The following SACS variants were observed in gnomAD, a reference collection of about 807,000 sequenced individuals.
SACS encodes the protein sacsin.
Under a neutral mutation model 348.0 loss-of-function variants are expected in SACS, and 197 were observed. The ratio of observed to expected loss-of-function variants is 0.57; its 90% CI spans 0.50 to 0.64. The LOEUF (loss-of-function observed/expected upper bound fraction) is 0.64. Ranked by LOEUF, SACS falls within the 30% of genes least tolerant of loss-of-function variation. SACS has a pLI of 0.00. For missense variants in SACS, 4,999 were observed against 5,360.8 expected (o/e 0.93, Z 2.11); for synonymous variants, 1,985 against 1,910.6 (o/e 1.04, Z -1.02).
intron 4 of SACS, among the ~76,000 whole-genome samples, chr13:23,370,590 T>C (rs1871326952): frequency 1.3e-5 from 2 of 152,218 alleles, no homozygotes; most frequent in South Asian, 4.1e-4. Context: ...GCAAACTTTG[T>C]ACCTTTGGCC....
Position 23,360,739 on chromosome 13 carries a change from C to G in SACS, c.458-2258G>C, listed in dbSNP as rs1287767929. Among the ~76,000 whole-genome samples the G allele has an allele frequency of 3.4e-5, 5 of 146,378 alleles. No individual in the cohort carries two copies. In the Admixed American group the frequency reaches 3.6e-4, roughly 11 times the overall value. Reference sequence around the variant, plus strand: ...TGAAAATAAAATTCCCCTCAGATCCCCACTCTCCAAGGTACTTTTTTTTTT... The same window carrying G: ...TGAAAATAAAATTCCCCTCAGATCCGCACTCTCCAAGGTACTTTTTTTTTT... On this transcript the variant is annotated intron_variant, in intron 6 of 9. Transcript: ENST00000382292.
rs1160590679 is a variant in SACS, at chr13:23,339,690, G to T, written c.4186C>A (p.His1396Asn). 6.2e-7 allele frequency: 1 copy of T among 1,614,064 alleles called. No homozygotes were observed. Among genetic ancestry groups the T allele is most frequent in the African/African-American group, 1.3e-5 (1 of 75,042 alleles). The change falls in exon 10 of 10, where the codon CAC (histidine) becomes AAC (asparagine). Residue 1396 changes from histidine (H) to asparagine (N), a missense_variant. His to Asn is a moderately conservative substitution (Grantham distance 68). Coordinates refer to ENST00000382292, the MANE Select transcript of SACS (RefSeq NM_014363.6). ...NPSKLIMKPI[H>N]ECCYCDIKVD... ...TTAATGTCACAATAACAGCATTCGT[G>T]AATTGGCTTCATGATAAGTTTAGAA...
chr13:23,394,581 C>A (rs942204379), intron 2 of SACS, among the ~76,000 whole-genome samples: 2 of 152,216 alleles, frequency 1.3e-5, no homozygotes, highest in East Asian at 3.9e-4. Flanking sequence ...GGGCTGGGCG[C>A]AGTGGCTCAT....
chr13:23,422,346 T>C (rs1005643412), intron 1 of SACS, among the ~76,000 whole-genome samples: 1 of 152,204 alleles, frequency 6.6e-6, no homozygotes, highest in Admixed American at 6.5e-5. Flanking sequence ...ATTAAAGAAG[T>C]TCCAAACACA....
intron 2 of SACS, among the ~76,000 whole-genome samples, chr13:23,386,792 T>G (rs1259718365): frequency 6.6e-6 from 1 of 152,110 alleles, no homozygotes; most frequent in Non-Finnish European, 1.5e-5. Flanking sequence ...CTTGAAGAGT[T>G]AGAGGCCATT....
intron 6 of SACS, among the ~76,000 whole-genome samples, chr13:23,364,770 T>C (rs1870960889): frequency 6.6e-6 from 1 of 152,160 alleles, no homozygotes; most frequent in African/African-American, 2.4e-5. Context: ...CCACCCAACT[T>C]CCAAACAATG....
intron 1 of SACS, among the ~76,000 whole-genome samples, chr13:23,417,558 C>T (rs1029635667): frequency 6.6e-6 from 1 of 152,156 alleles, no homozygotes; most frequent in African/African-American, 2.4e-5. Flanking sequence ...GTTACTGGGG[C>T]AAGTGGTTAA....
rs536865337 is a variant in SACS, at chr13:23,407,356, G to A, written c.20+3864C>T. Reference sequence around the variant, plus strand: ...TGGGACTACAGGCGCCTGCCACCACGCCCGGCTAATCTTTTTCTATTTTTA... The same window carrying A: ...TGGGACTACAGGCGCCTGCCACCACACCCGGCTAATCTTTTTCTATTTTTA... On this transcript the variant is annotated intron_variant, in intron 2 of 9. Coordinates refer to ENST00000382292, the MANE Select transcript of SACS (RefSeq NM_014363.6). 2.8e-3 allele frequency among the ~76,000 whole-genome samples: 422 copies of A among 152,176 alleles called. 1 individual carries two copies. Among genetic ancestry groups the A allele is most frequent in the Non-Finnish European group, 4.3e-3 (291 of 67,976 alleles).
intron 2 of SACS, among the ~76,000 whole-genome samples, chr13:23,382,144 T>A (rs2137869179): frequency 6.6e-6 from 1 of 152,316 alleles, no homozygotes; most frequent in South Asian, 2.1e-4. Flanking sequence ...AGCGGAGGTT[T>A]TTTTGCTTTT....
chr13:23,349,323 T>C (rs1869810159), intron 9 of SACS, among the ~76,000 whole-genome samples: 1 of 152,176 alleles, frequency 6.6e-6, no homozygotes, highest in Non-Finnish European at 1.5e-5. Flanking sequence ...TTGAGCAATC[T>C]TGTGGACAGT....
At chr13:23,389,673 T>C (rs1872450668) in intron 2 of SACS, among the ~76,000 whole-genome samples, 1 of 152,266 alleles carries the variant, frequency 6.6e-6, no homozygotes. Flanking sequence ...GTACAAGGGA[T>C]ACGTAGTACA....
At chr13:23,408,431 T>C (rs903052070) in intron 2 of SACS, among the ~76,000 whole-genome samples, 3 of 152,248 alleles carry the variant, frequency 2.0e-5, no homozygotes, top group Non-Finnish European at 2.9e-5. Context: ...TTGCAACGTT[T>C]AGCTTGAAAC....
Position 23,395,146 on chromosome 13 carries a change from G to A in SACS, c.20+16074C>T, listed in dbSNP as rs12854927. Among the ~76,000 whole-genome samples the A allele has an allele frequency of 4.0e-4, 52 of 129,920 alleles. 1 individual carries two copies. In the East Asian group the frequency reaches 0.012, roughly 29 times the overall value. The allele number at this position is 129,920 out of a possible 152,430, so 85.2% of individuals were successfully genotyped here. ...CTGGGCTTCCCTGTTTATTAAATAT[G>A]GAGGCTGGGTCAGAGTCCTGGGCTT... On this transcript the variant is annotated intron_variant, in intron 2 of 9. Coordinates refer to ENST00000382292, the MANE Select transcript of SACS (RefSeq NM_014363.6).
rs2137841018 is a variant in SACS at position 23,375,214 on chromosome 13, G to A, written c.76C>T (p.Leu26=). 2.0e-6 allele frequency: 3 copies of A among 1,500,162 alleles called. No individual in the cohort carries two copies. Among genetic ancestry groups the A allele is most frequent in the Non-Finnish European group, 1.8e-6 (2 of 1,124,028 alleles). The allele number at this position is 1,500,162 out of a possible 1,614,324, so 92.9% of individuals were successfully genotyped here. A position where few individuals can be genotyped will look rare whatever the true frequency, so the allele number is the denominator to read the frequency against. Residue 26 remains leucine (L), a synonymous_variant, in exon 3 of 10, where the codon CTG becomes TTG. Coordinates refer to ENST00000382292, the MANE Select transcript of SACS (RefSeq NM_014363.6). ...ACATCGCGCACGGTCCAGGACGCCA[G>A]CGCCGCGACGGTCCTGCAGCCCACG... is the stretch of plus-strand genomic sequence containing the variant. ...GCVGCRTVAA[L]ASWTVRDVKE... is the part of the protein sequence containing the mutation.
At position 23,341,561 on chromosome 13, in the gene SACS, T is replaced by G. The variant is rs1271031016; in HGVS notation, c.2315A>C (p.Asn772Thr). Residue 772 changes from asparagine (N) to threonine (T), a missense_variant, in exon 10 of 10, where the codon AAT becomes ACT. Physicochemically the swap from Asn to Thr is moderately conservative, Grantham distance 65 (BLOSUM62 0). Coordinates refer to ENST00000382292, the MANE Select transcript of SACS (RefSeq NM_014363.6). ...VQWYPFDENRNHPSVSWLKMV... is the reference protein window; with the variant it reads ...VQWYPFDENRTHPSVSWLKMV... ...CTTAAGCCATGAAACAGATGGGTGA[T>G]TTCTGTTTTCATCAAATGGATACCA... The G allele has an allele frequency of 1.9e-6, 3 of 1,614,082 alleles. No homozygotes were observed. In the Admixed American group the frequency reaches 5.0e-5, roughly 27 times the overall value.
chr13:23,375,655 G>GCCAGGCCCCGCCCCCAGGGAACGCCCAT (rs1391157246), intron 2 of SACS: 1 of 628,654 alleles, frequency 1.6e-6, no homozygotes, highest in Non-Finnish European at 1.8e-6. Flanking sequence ...CGCCCCTCCC[G>GCCAGGCCCCGCCCCCAGGGAACGCCCAT]CCAGGCCCCG....
intron 2 of SACS, among the ~76,000 whole-genome samples, chr13:23,397,506 G>C (rs568322807): frequency 2.0e-5 from 3 of 152,048 alleles, no homozygotes; most frequent in African/African-American, 7.2e-5. Flanking sequence ...TTGGATTATT[G>C]ATCTGCTCTT....
intron 2 of SACS, among the ~76,000 whole-genome samples, chr13:23,379,601 C>T (rs780766507): frequency 1.3e-5 from 2 of 152,190 alleles, no homozygotes; most frequent in Non-Finnish European, 2.9e-5. Context: ...TTTTCTCCAC[C>T]CTGTCCCCAA....
At position 23,333,821 on chromosome 13, in the gene SACS, G is replaced by A. The variant is rs1256372200; in HGVS notation, c.10055C>T (p.Thr3352Ile). The A allele has an allele frequency of 2.5e-6, 4 of 1,613,736 alleles. No individual in the cohort carries two copies. Among genetic ancestry groups the A allele is most frequent in the East Asian group, 4.5e-5 (2 of 44,888 alleles). The change falls in exon 10 of 10, where the codon ACA (threonine) becomes ATA (isoleucine). Residue 3352 changes from threonine (T) to isoleucine (I), a missense_variant. Transcript: ENST00000382292. ...SAFVPLLSCH[T>I]ANIESPTSIL... ...GCTTGTGGGGCTCTCTATATTTGCT[G>A]TGTGACATGACAACAAAGGAACAAA...
Sources: gnomAD v4.1 joint callset for allele counts (sites outside exome capture counted in the v4.1 genomes callset) on GRCh38, gnomAD v4.1.1 for gene constraint, MANE v1.5 for transcripts, NCBI Gene and HGNC (gene_info 2026-07-23, HGNC 2026-07-21) for gene names.